The following RUNX3 variants were observed in gnomAD, a reference collection of about 807,000 sequenced individuals.
RUNX3 encodes the protein RUNX family transcription factor 3.
A neutral mutation model predicts 27.7 loss-of-function variants in RUNX3; 10 were observed. The ratio of observed to expected loss-of-function variants is 0.36; its 90% CI spans 0.22 to 0.61. The LOEUF is 0.61. Ranked by LOEUF, RUNX3 falls within the 20% of genes least tolerant of loss-of-function variation. The pLI is 0.72. For synonymous variants in RUNX3, 270 were observed against 269.2 expected (o/e 1.00, Z -0.03); for missense variants, 469 against 629.5 (o/e 0.75, Z 2.73).
At position 24,902,025 on chromosome 1, in the gene RUNX3, A is replaced by G. The variant is rs1571297065; in HGVS notation, c.*97T>C. The G allele has an allele frequency of 2.5e-6, 3 of 1,177,644 alleles. No individual in the cohort carries two copies. Among genetic ancestry groups the G allele is most frequent in the Non-Finnish European group, 3.5e-6 (3 of 862,324 alleles). 72.9% of individuals were successfully genotyped at this position (1,177,644 alleles called of 1,614,324 possible). A position where few individuals can be genotyped will look rare whatever the true frequency, so the allele number is the denominator to read the frequency against. On this transcript the variant is annotated 3_prime_UTR_variant, in exon 5 of 5. Coordinates refer to ENST00000308873, the MANE Select transcript of RUNX3 (RefSeq NM_004350.3). This position sits in a 1 kb window ranked among gnomAD's most constrained non-coding sequence, Gnocchi z 9.2. ...TGGGACCGAGACCACCCTGGAGCGC[A>G]GGTCCCATTCCCGCCCGGAGCCTCG...
chr1:24,937,562 A>G (rs535013304), intron 2 of RUNX3, among the ~76,000 whole-genome samples: 4 of 152,350 alleles, frequency 2.6e-5, no homozygotes, highest in South Asian at 2.1e-4. Flanking sequence ...AGGCTTCCAT[A>G]TGGCAAGGAA....
In RUNX3 at chr1:24,916,061, G is replaced by A. The variant is rs1003854098; in HGVS notation, c.544+3179C>T. Among the ~76,000 whole-genome samples, 3 of 152,182 alleles carry A rather than the reference G, an allele frequency of 2.0e-5. No individual in the cohort carries two copies. The highest frequency in any genetic ancestry group is 6.5e-5 in the Admixed American group (1 of 15,278). ...GCAGGGCACCAGAGGGGAACGACCC[G>A]GCCACAGAACCCACAGCCGGCCTCA... On this transcript the variant is annotated intron_variant, in intron 3 of 4. Coordinates refer to ENST00000308873, the MANE Select transcript of RUNX3 (RefSeq NM_004350.3). The surrounding 1 kb of genome is among the most constrained non-coding windows in gnomAD (Gnocchi z 4.8).
chr1:24,899,719 G>A lies in RUNX3; in HGVS notation c.*2403C>T, dbSNP rs1462835668. On this transcript the variant is annotated 3_prime_UTR_variant, in exon 5 of 5. Transcript: ENST00000308873. ...TTTACATCAGATGAGTGCAGCAGGT[G>A]TCACACCTCAGCATGACAATATGTC... The A allele has an allele frequency of 6.5e-6, 1 of 152,690 alleles. No homozygotes were observed. The highest frequency in any genetic ancestry group is 1.5e-5 in the Non-Finnish European group (1 of 68,028). The allele number at this position is 152,690 out of a possible 1,614,324, so 9.5% of individuals were successfully genotyped here. A position where few individuals can be genotyped will look rare whatever the true frequency, so the allele number is the denominator to read the frequency against.
chr1:24,942,317 GA>G (rs1641498334), intron 2 of RUNX3, among the ~76,000 whole-genome samples: 1 of 152,214 alleles, frequency 6.6e-6, no homozygotes, highest in African/African-American at 2.4e-5. Context: ...CAATGGACCA[GA>G]AAGCCATGGA....
rs1348817962 is a variant in RUNX3 at position 24,923,685 on chromosome 1, T to C, written c.439+3889A>G. Among the ~76,000 whole-genome samples, 1 of 152,054 alleles carries C rather than the reference T, an allele frequency of 6.6e-6. No homozygotes were observed. The highest frequency in any genetic ancestry group is 2.4e-5 in the African/African-American group (1 of 41,382). On this transcript the variant is annotated intron_variant, in intron 2 of 4. Coordinates refer to ENST00000308873, the MANE Select transcript of RUNX3 (RefSeq NM_004350.3). The surrounding 1 kb of genome is among the most constrained non-coding windows in gnomAD (Gnocchi z 5.9). ...CCCCGCCCCACCCACAGGAGCTGCATGGGTGGGGGGAGGGGACGTGTCTCA... is the reference window on the plus strand; with the variant it reads ...CCCCGCCCCACCCACAGGAGCTGCACGGGTGGGGGGAGGGGACGTGTCTCA...
intron 2 of RUNX3, among the ~76,000 whole-genome samples, chr1:24,942,745 C>T (rs1203162043): frequency 6.6e-6 from 1 of 152,220 alleles, no homozygotes; most frequent in Non-Finnish European, 1.5e-5. Context: ...ATGGGGTGAG[C>T]CTAAGTAGCC....
chr1:24,929,737 G>A lies in RUNX3; in HGVS notation c.132C>T (p.Pro44=). Residue 44 remains proline, a synonymous_variant, in exon 1 of 5, where the codon CCC becomes CCT. Coordinates refer to ENST00000308873, the MANE Select transcript of RUNX3 (RefSeq NM_004350.3). ...GCACCTCGGGCCGGGCGCGCCCTCCGGGCCCCACGGCCGCCTGCGCGCTCA... is the reference window on the plus strand; with the variant it reads ...GCACCTCGGGCCGGGCGCGCCCTCCAGGCCCCACGGCCGCCTGCGCGCTCA... ...GALSAQAAVG[P]GGRARPEVRS... 1 of 1,487,996 alleles carries A rather than the reference G, an allele frequency of 6.7e-7. No individual in the cohort carries two copies. Among genetic ancestry groups the A allele is most frequent in the Admixed American group, 2.4e-5 (1 of 40,896 alleles). The allele number at this position is 1,487,996 out of a possible 1,614,324, so 92.2% of individuals were successfully genotyped here.
exon 2 of RUNX3, chr1:24,964,515 G>A (rs143410594): frequency 2.4e-5 from 39 of 1,609,720 alleles, no homozygotes; most frequent in South Asian, 1.4e-4. Context: ...GTTACTCACC[G>A]CGGATGAAGG....
chr1:24,924,543 T>C (rs1015148503), intron 2 of RUNX3, among the ~76,000 whole-genome samples: 8 of 152,046 alleles, frequency 5.3e-5, no homozygotes, highest in Non-Finnish European at 1.0e-4. Context: ...CAGAAAGTCA[T>C]GGTATTGGCA....
rs770814884 is a variant in RUNX3 at position 24,923,175 on chromosome 1, C to T, written c.440-3831G>A. ...CACCCCTGAGGTCACCAGCACTCCTCGGCCGCTTCCACCAGCTTCCACGCC... is the reference window on the plus strand; with the variant it reads ...CACCCCTGAGGTCACCAGCACTCCTTGGCCGCTTCCACCAGCTTCCACGCC... On this transcript the variant is annotated intron_variant, in intron 2 of 4. Transcript: ENST00000308873. This position sits in a 1 kb window ranked among gnomAD's most constrained non-coding sequence, Gnocchi z 5.9. 2.0e-5 allele frequency among the ~76,000 whole-genome samples: 3 copies of T among 152,134 alleles called. No individual in the cohort carries two copies. Among genetic ancestry groups the T allele is most frequent in the Non-Finnish European group, 4.4e-5 (3 of 68,036 alleles).
chr1:24,930,418 G>A (rs889850332), upstream of RUNX3: 3 of 181,764 alleles, frequency 1.7e-5, no homozygotes, highest in African/African-American at 2.4e-5. This position sits in a 1 kb window ranked among gnomAD's most constrained non-coding sequence, Gnocchi z 4.1. Flanking sequence ...GGGGCCTGCC[G>A]GAGGCCGCCC....
chr1:24,961,708 T>C (rs1309152835), intron 2 of RUNX3: 1 of 152,194 alleles, frequency 6.6e-6, no homozygotes, highest in Non-Finnish European at 1.5e-5. Flanking sequence ...GAGGTAGGAA[T>C]GGAGAATCCT....
intron 3 of RUNX3, among the ~76,000 whole-genome samples, chr1:24,908,100 A>G (rs996306808): frequency 6.6e-6 from 1 of 150,512 alleles, no homozygotes; most frequent in African/African-American, 2.5e-5. Context: ...CGGTGATCCG[A>G]ACCTCTACGA....
chr1:24,931,746 G>A (rs1641233658), upstream of RUNX3, among the ~76,000 whole-genome samples: 1 of 152,202 alleles, frequency 6.6e-6, no homozygotes. Context: ...CTCCAGGGGC[G>A]AAGGACTCTG....
intron 3 of RUNX3, among the ~76,000 whole-genome samples, chr1:24,908,671 A>C (rs907570973): frequency 6.6e-6 from 1 of 152,098 alleles, no homozygotes; most frequent in African/African-American, 2.4e-5. Flanking sequence ...GATCTAAAAA[A>C]AGGAAACTGA....
In RUNX3 at chr1:24,901,998, C is replaced by T; in HGVS notation, c.*124G>A. ...AGAGGCTCCCACCAGCTGGGACCAC[C>T]CTGGGACCGAGACCACCCTGGAGCG... is the stretch of plus-strand genomic sequence containing the variant. On this transcript the variant is annotated 3_prime_UTR_variant, in exon 5 of 5. Transcript: ENST00000308873. 1 of 921,206 alleles carries T rather than the reference C, an allele frequency of 1.1e-6. No homozygotes were observed. 57.1% of individuals were successfully genotyped at this position (921,206 alleles called of 1,614,324 possible).
At chr1:24,921,158 G>A (rs960157283) in intron 2 of RUNX3, among the ~76,000 whole-genome samples, 2 of 152,236 alleles carry the variant, frequency 1.3e-5, no homozygotes, top group African/African-American at 2.4e-5. Flanking sequence ...AAGTGAGCAG[G>A]TAGGTTTCAA....
chr1:24,899,564 T>C lies in RUNX3; in HGVS notation c.*2558A>G, dbSNP rs1026944563. The C allele has an allele frequency of 6.6e-6, 1 of 152,304 alleles. No individual in the cohort carries two copies. Among genetic ancestry groups the C allele is most frequent in the Admixed American group, 6.6e-5 (1 of 15,244 alleles). The allele number at this position is 152,304 out of a possible 1,614,324, so 9.4% of individuals were successfully genotyped here. A position where few individuals can be genotyped will look rare whatever the true frequency, so the allele number is the denominator to read the frequency against. Reference sequence around the variant, plus strand: ...TTGTAACAAATCAGTCAAAATTCCATTTTACAGTTAAATAGTACAGAAGAC... The same window carrying C: ...TTGTAACAAATCAGTCAAAATTCCACTTTACAGTTAAATAGTACAGAAGAC... On this transcript the variant is annotated 3_prime_UTR_variant, in exon 5 of 5. Coordinates refer to ENST00000308873, the MANE Select transcript of RUNX3 (RefSeq NM_004350.3).
chr1:24,901,831 TCCG>T lies in RUNX3; in HGVS notation c.*288_*290del, dbSNP rs386629624. 1.1e-3 allele frequency: 458 copies of T among 431,910 alleles called. 3 individuals are homozygous for T. The highest frequency in any genetic ancestry group is 8.1e-3 in the African/African-American group (406 of 49,900). The allele number at this position is 431,910 out of a possible 1,614,324, so 26.8% of individuals were successfully genotyped here. A position where few individuals can be genotyped will look rare whatever the true frequency, so the allele number is the denominator to read the frequency against. ...GCATAGCTGGAGACAGTGAGGTCCT[TCCG>T]GGGGGGTGGCAGGAGGCTGATTCCC... is the stretch of plus-strand genomic sequence containing the variant. On this transcript the variant is annotated 3_prime_UTR_variant, in exon 5 of 5. Transcript: ENST00000308873.
Sources: gnomAD v4.1 joint callset for allele counts (sites outside exome capture counted in the v4.1 genomes callset) on GRCh38, gnomAD v4.1.1 for gene constraint, Gnocchi (gnomAD v3.1) non-coding constraint, MANE v1.5 for transcripts, NCBI Gene and HGNC (gene_info 2026-07-23, HGNC 2026-07-21) for gene names.